The following FASTKD5 variants were observed in gnomAD, a reference collection of about 807,000 sequenced individuals.
FASTKD5 encodes the protein non-canonical pre-mRNAs endonuclease FASTKD5, mitochondrial.
A neutral mutation model predicts 44.0 loss-of-function variants in FASTKD5; 30 were observed. The ratio of observed to expected loss-of-function variants is 0.68; its 90% CI spans 0.51 to 0.93. The LOEUF (loss-of-function observed/expected upper bound fraction) is 0.93. Among genes scored for constraint, FASTKD5 ranks in the 40% least tolerant of loss-of-function variants. The pLI is 0.00. For missense variants in FASTKD5, 868 were observed against 908.2 expected, an observed-to-expected ratio of 0.96 and a Z score of 0.57; for synonymous variants, 335 against 342.2, an observed-to-expected ratio of 0.98 and a Z score of 0.23.
intron 1 of FASTKD5, among the ~76,000 whole-genome samples, chr20:3,156,299 C>A (rs912459113): frequency 2.0e-5 from 3 of 151,858 alleles, no homozygotes; most frequent in African/African-American, 7.3e-5. Context: ...CCTCAGCCTC[C>A]CAAGTAGCTG....
At position 3,146,663 on chromosome 20, in the gene FASTKD5, C is replaced by T; in HGVS notation, c.*113G>A. The T allele has an allele frequency of 7.8e-7, 1 of 1,281,774 alleles. No individual in the cohort carries two copies. 79.4% of individuals were successfully genotyped at this position (1,281,774 alleles called of 1,614,324 possible). ...ACCTGCCTTGGATACAATTAAGTCT[C>T]CTCAACACACTATTTTATCGCCAAA... On this transcript the variant is annotated 3_prime_UTR_variant, in exon 2 of 2. Transcript: ENST00000380266.
At chr20:3,155,834 A>T (rs2066678248) in intron 1 of FASTKD5, among the ~76,000 whole-genome samples, 1 of 152,236 alleles carries the variant, frequency 6.6e-6, no homozygotes, top group South Asian at 2.1e-4. Flanking sequence ...ATGAAGAGCC[A>T]ACCTACAAAT....
intron 1 of FASTKD5, among the ~76,000 whole-genome samples, chr20:3,152,325 C>T (rs112812306): frequency 1.3e-5 from 2 of 150,990 alleles, no homozygotes; most frequent in African/African-American, 4.9e-5. Flanking sequence ...ACTAAAAATA[C>T]AAAAAATTAG....
At chr20:3,159,054 T>C (rs1401362961) in intron 1 of FASTKD5, among the ~76,000 whole-genome samples, 1 of 152,076 alleles carries the variant, frequency 6.6e-6, no homozygotes, top group Non-Finnish European at 1.5e-5. Flanking sequence ...TGAACACAGC[T>C]GATATGAGGG....
rs2066603099 is a variant in FASTKD5 at position 3,149,485 on chromosome 20, T to C, written c.-190-225A>G. Among the ~76,000 whole-genome samples, 1 of 152,168 alleles carries C rather than the reference T, an allele frequency of 6.6e-6. No homozygotes were observed. Among genetic ancestry groups the C allele is most frequent in the African/African-American group, 2.4e-5 (1 of 41,450 alleles). On this transcript the variant is annotated intron_variant, in intron 1 of 1. Transcript: ENST00000380266. The surrounding 1 kb of genome is among the most constrained non-coding windows in gnomAD (Gnocchi z 4.1). ...GGGTACCCGTGGGCAGTTCCTGGAC[T>C]GCTGCTCACCAGACTTCCTTCACTG...
intron 1 of FASTKD5, among the ~76,000 whole-genome samples, chr20:3,151,222 C>T (rs2066620982): frequency 6.6e-6 from 1 of 152,132 alleles, no homozygotes. Flanking sequence ...CCATTCTGCC[C>T]ACCAAATTTC....
intron 1 of FASTKD5, among the ~76,000 whole-genome samples, chr20:3,157,195 C>T (rs527997991): frequency 6.6e-6 from 1 of 152,326 alleles, no homozygotes; most frequent in South Asian, 2.1e-4. Flanking sequence ...GGCTTAGAGA[C>T]TGGCAGTAAG....
At position 3,148,135 on chromosome 20, in the gene FASTKD5, CA is replaced by C; in HGVS notation, c.935del (p.Leu312Ter). On this transcript the variant is annotated frameshift_variant, in exon 2 of 2. Transcript: ENST00000380266. LOFTEE classifies it high-confidence loss of function. The stretch of plus-strand genomic sequence containing the variant: ...TGGTACCAACCTCCTCCAAATTGAT[CA>C]AATCTATATATTTAAGGATCAATGA... ...LESLILKYID[L>X]INLEEVGTIC... The C allele has an allele frequency of 6.2e-7, 1 of 1,613,874 alleles. No individual in the cohort carries two copies. The highest frequency in any genetic ancestry group is 8.5e-7 in the Non-Finnish European group (1 of 1,179,982).
intron 1 of FASTKD5, among the ~76,000 whole-genome samples, chr20:3,156,527 C>T (rs1209281568): frequency 1.3e-5 from 2 of 152,078 alleles, no homozygotes; most frequent in Non-Finnish European, 2.9e-5. Context: ...CACAAAACTC[C>T]TTTCCTAGTT....
intron 1 of FASTKD5, among the ~76,000 whole-genome samples, chr20:3,152,189 AC>A (rs1490815048): frequency 6.6e-6 from 1 of 151,304 alleles, no homozygotes; most frequent in African/African-American, 2.4e-5. Context: ...TTTTAAGAAG[AC>A]CTATTTTTGG....
At chr20:3,155,265 C>T (rs947566047) in intron 1 of FASTKD5, among the ~76,000 whole-genome samples, 1 of 151,976 alleles carries the variant, frequency 6.6e-6, no homozygotes, top group Non-Finnish European at 1.5e-5. Context: ...CACAGCGGCT[C>T]AAGTCTGTAA....
At chr20:3,154,618 G>A (rs1051993395) in intron 1 of FASTKD5, among the ~76,000 whole-genome samples, 2 of 152,138 alleles carry the variant, frequency 1.3e-5, no homozygotes, top group African/African-American at 4.8e-5. Context: ...AAAAAGTTAA[G>A]GCTGCAGTGA....
intron 1 of FASTKD5, chr20:3,150,555 C>G (rs1453134018): frequency 6.6e-6 from 1 of 152,234 alleles, no homozygotes; most frequent in Non-Finnish European, 1.5e-5. Flanking sequence ...GCCTGACAAG[C>G]AAGACCCAAG....
In FASTKD5 at chr20:3,148,173, G is replaced by A. The variant is rs1411851930; in HGVS notation, c.898C>T (p.Gln300Ter). 2 of 1,613,784 alleles carry A rather than the reference G, an allele frequency of 1.2e-6. No individual in the cohort carries two copies. The highest frequency in any genetic ancestry group is 2.2e-5 in the East Asian group (1 of 44,882). Residue 300 changes from glutamine (Q) to a stop codon, truncating the protein, a stop_gained, in exon 2 of 2, where the codon CAA becomes TAA. Coordinates refer to ENST00000380266, the MANE Select transcript of FASTKD5 (RefSeq NM_021826.5). LOFTEE classifies it high-confidence loss of function. Reference sequence around the variant, plus strand: ...TTAAGGATCAATGATTCCAATTTTTGCATTAGGTCCTGGGATACCTGACGA... The same window carrying A: ...TTAAGGATCAATGATTCCAATTTTTACATTAGGTCCTGGGATACCTGACGA... ...ENRQVSQDLM[Q>*]KLESLILKYI...
chr20:3,149,631 T>A lies in FASTKD5; in HGVS notation c.-190-371A>T, dbSNP rs899712529. On this transcript the variant is annotated intron_variant, in intron 1 of 1. Coordinates refer to ENST00000380266, the MANE Select transcript of FASTKD5 (RefSeq NM_021826.5). The surrounding 1 kb of genome is among the most constrained non-coding windows in gnomAD (Gnocchi z 4.1). ...AAAAGTGAGCAACTCCTTCCATCTC[T>A]TTGATATCAAGGCAAACAGGTCCTA... Among the ~76,000 whole-genome samples, 2 of 152,186 alleles carry A rather than the reference T, an allele frequency of 1.3e-5. No individual in the cohort carries two copies. Among genetic ancestry groups the A allele is most frequent in the Non-Finnish European group, 2.9e-5 (2 of 68,038 alleles).
At chr20:3,155,549 G>A (rs1021308043) in intron 1 of FASTKD5, among the ~76,000 whole-genome samples, 5 of 151,960 alleles carry the variant, frequency 3.3e-5, no homozygotes, top group East Asian at 3.9e-4. Context: ...AAAGTGGGTC[G>A]GGAGAGGAAA....
chr20:3,157,111 C>CA (rs1568484978), intron 1 of FASTKD5, among the ~76,000 whole-genome samples: 1 of 151,786 alleles, frequency 6.6e-6, no homozygotes, highest in East Asian at 1.9e-4. Context: ...AAAAAAAGGG[C>CA]AAAAAAACCG....
chr20:3,147,731 G>A lies in FASTKD5; in HGVS notation c.1340C>T (p.Ala447Val). The part of the protein sequence containing the change: ...FGTLNYKPPN[A>V]EEFYSSLISE... ...TATCAGGCTGGAGTAAAATTCTTCT[G>A]CATTGGGTGGCTTATAATTCAGAGT... Residue 447 changes from alanine (A) to valine (V), a missense_variant, in exon 2 of 2, where the codon GCA becomes GTA. Ala to Val is a moderately conservative substitution (Grantham distance 64). Coordinates refer to ENST00000380266, the MANE Select transcript of FASTKD5 (RefSeq NM_021826.5). The A allele has an allele frequency of 1.2e-6, 2 of 1,614,202 alleles. No homozygotes were observed. Among genetic ancestry groups the A allele is most frequent in the Non-Finnish European group, 8.5e-7 (1 of 1,180,040 alleles).
chr20:3,154,434 T>C (rs372574743), intron 1 of FASTKD5, among the ~76,000 whole-genome samples: 2 of 152,228 alleles, frequency 1.3e-5, no homozygotes, highest in African/African-American at 4.8e-5. Context: ...GTAATCATAG[T>C]ACTCTGGGAG....
Sources: gnomAD v4.1 joint callset for allele counts (sites outside exome capture counted in the v4.1 genomes callset) on GRCh38, gnomAD v4.1.1 for gene constraint, Gnocchi (gnomAD v3.1) non-coding constraint, MANE v1.5 for transcripts, NCBI Gene and HGNC (gene_info 2026-07-23, HGNC 2026-07-21) for gene names.